The following STOX2 variants were observed in gnomAD, a reference collection of about 807,000 sequenced individuals.
STOX2 encodes storkhead box 2, also known as storkhead-box protein 2.
Under a neutral mutation model 60.9 loss-of-function variants are expected in STOX2, and 28 were observed. The ratio of observed to expected loss-of-function variants is 0.46; its 90% CI spans 0.34 to 0.63. STOX2 has a LOEUF of 0.63. Among genes scored for constraint, STOX2 ranks in the 30% least tolerant of loss-of-function variants. The pLI, the probability that STOX2 is intolerant of heterozygous loss-of-function variation, is 0.01. For missense variants in STOX2, 1,024 were observed against 1,187.7 expected, an observed-to-expected ratio of 0.86 and a Z score of 2.03; for synonymous variants, 472 against 463.9, an observed-to-expected ratio of 1.02 and a Z score of -0.22.
intron 1 of STOX2, among the ~76,000 whole-genome samples, chr4:183,992,760 C>T (rs1733165979): frequency 6.6e-6 from 1 of 152,192 alleles, no homozygotes. Context: ...TGTTGGAAAA[C>T]ATCTTGTAAG....
chr4:183,968,760 G>A lies in STOX2; in HGVS notation c.167-32565G>A, dbSNP rs1743654367. Among the ~76,000 whole-genome samples, 4 of 151,854 alleles carry A rather than the reference G, an allele frequency of 2.6e-5. No homozygotes were observed. In the South Asian group the frequency reaches 8.3e-4, roughly 32 times the overall value. On this transcript the variant is annotated intron_variant, in intron 1 of 3. Transcript: ENST00000308497. ...GAGTAGGTTGGGTTGCGGCAGGGGG[G>A]CGGGGGGTGTTGGGTGGCAGGGGTT...
chr4:183,833,981 C>CA (rs70959149), intron 1 of STOX2, among the ~76,000 whole-genome samples: 34,465 of 79,556 alleles, frequency 0.43, 6,561 homozygotes, highest in African/African-American at 0.46. Context: ...GACTCCGTCT[C>CA]AAAAAAAAAA....
rs1049585548 is a variant in STOX2 at position 183,825,612 on chromosome 4, G to A, written c.364+27557G>A. Among the ~76,000 whole-genome samples the A allele has an allele frequency of 1.3e-5, 2 of 152,120 alleles. No individual in the cohort carries two copies. The highest frequency in any genetic ancestry group is 2.4e-5 in the African/African-American group (1 of 41,406). On this transcript the variant is annotated intron_variant, in intron 1 of 2. Coordinates refer to the STOX2 transcript ENST00000513034. This position sits in a 1 kb window ranked among gnomAD's most constrained non-coding sequence, Gnocchi z 4.1. ...TGCAGCGCCCGACCCCTCCCTGCCC[G>A]TCCTCTGTGTCCCAGGACTCGCGGT... is the stretch of plus-strand genomic sequence containing the variant.
chr4:183,815,736 G>C (rs1560828256), intron 1 of STOX2, among the ~76,000 whole-genome samples: 1 of 152,184 alleles, frequency 6.6e-6, no homozygotes, highest in East Asian at 1.9e-4. Context: ...CCTCAGCATG[G>C]GTAGGTAAAC....
chr4:183,820,176 C>T (rs552235913), intron 1 of STOX2, among the ~76,000 whole-genome samples: 2 of 152,272 alleles, frequency 1.3e-5, no homozygotes, highest in African/African-American at 4.8e-5. Context: ...CCTCCCGCCT[C>T]GGCCTCCCAA....
At chr4:183,986,459 ACCC>A (rs1732846698) in intron 1 of STOX2, among the ~76,000 whole-genome samples, 1 of 152,138 alleles carries the variant, frequency 6.6e-6, no homozygotes, top group South Asian at 2.1e-4. Flanking sequence ...CAAAGGGGGG[ACCC>A]CAGGAGGGCA....
chr4:183,830,169 C>G (rs574823887), intron 1 of STOX2, among the ~76,000 whole-genome samples: 9 of 152,164 alleles, frequency 5.9e-5, no homozygotes, highest in African/African-American at 1.4e-4. Flanking sequence ...CACATCCCCC[C>G]CAACAAGGTA....
chr4:183,850,334 G>T (rs576400602), intron 1 of STOX2, among the ~76,000 whole-genome samples: 1 of 152,028 alleles, frequency 6.6e-6, no homozygotes, highest in African/African-American at 2.4e-5. Flanking sequence ...AAAAAATTTT[G>T]GAGAATGCCA....
At chr4:183,953,128 G>A (rs1743140975) in intron 1 of STOX2, among the ~76,000 whole-genome samples, 1 of 151,728 alleles carries the variant, frequency 6.6e-6, no homozygotes, top group African/African-American at 2.4e-5. Flanking sequence ...CGTGGCACAT[G>A]TATACCTATG....
At chr4:183,810,514 T>C (rs1739010262) in intron 1 of STOX2, among the ~76,000 whole-genome samples, 1 of 152,128 alleles carries the variant, frequency 6.6e-6, no homozygotes, top group South Asian at 2.1e-4. Context: ...GCTGGAAAAT[T>C]ACTACCAAGA....
At chr4:183,826,976 T>A (rs545065069) in intron 1 of STOX2, among the ~76,000 whole-genome samples, 1 of 152,294 alleles carries the variant, frequency 6.6e-6, no homozygotes, top group African/African-American at 2.4e-5. Context: ...GCATTACATA[T>A]AACATGACCT....
rs943086177 is a variant in STOX2 at position 184,019,362 on chromosome 4, G to A, written c.*2078G>A. 1.3e-5 allele frequency: 2 copies of A among 152,098 alleles called. No homozygotes were observed. The highest frequency in any genetic ancestry group is 2.9e-5 in the Non-Finnish European group (2 of 68,028). 9.4% of individuals were successfully genotyped at this position (152,098 alleles called of 1,614,324 possible). A position where few individuals can be genotyped will look rare whatever the true frequency, so the allele number is the denominator to read the frequency against. On this transcript the variant is annotated 3_prime_UTR_variant, in exon 4 of 4. Coordinates refer to ENST00000308497, the MANE Select transcript of STOX2 (RefSeq NM_020225.3). ...ATAGACTACATAGTTGGTTCCCTTG[G>A]GGAGTTATATATCATACAGTTACTA...
intron 1 of STOX2, among the ~76,000 whole-genome samples, chr4:183,815,137 T>G (rs1238240902): frequency 6.6e-6 from 1 of 152,056 alleles, no homozygotes; most frequent in African/African-American, 2.4e-5. Flanking sequence ...GGACTGTAGG[T>G]GTCCACCACC....
At position 184,017,116 on chromosome 4, in the gene STOX2, A is replaced by C. The variant is rs764594275; in HGVS notation, c.2613A>C (p.Thr871=). The change falls in exon 4 of 4, where the codon ACA becomes ACC. Residue 871 remains threonine (T), a synonymous_variant. Coordinates refer to ENST00000308497, the MANE Select transcript of STOX2 (RefSeq NM_020225.3). ...CTCGGGAGAGCCTGGCTTCCAACAC[A>C]TCAAGCATTGTTGAAAGTAACCGTC... ...PRTRESLASN[T]SSIVESNRRQ... 5 of 1,613,494 alleles carry C rather than the reference A, an allele frequency of 3.1e-6. No homozygotes were observed. In the South Asian group the frequency reaches 5.5e-5, roughly 18 times the overall value.
At chr4:183,950,698 C>G (rs1743043787) in intron 1 of STOX2, among the ~76,000 whole-genome samples, 1 of 152,122 alleles carries the variant, frequency 6.6e-6, no homozygotes, top group African/African-American at 2.4e-5. Flanking sequence ...ACAGAACTCA[C>G]AGCCTGCTGG....
intron 1 of STOX2, among the ~76,000 whole-genome samples, chr4:183,909,920 A>G (rs1741731968): frequency 6.6e-6 from 1 of 152,244 alleles, no homozygotes; most frequent in East Asian, 1.9e-4. Flanking sequence ...GCGGGCACCT[A>G]TAAACTAGCG....
intron 1 of STOX2, among the ~76,000 whole-genome samples, chr4:183,900,151 G>C (rs796801329): frequency 4.6e-5 from 7 of 152,272 alleles, no homozygotes; most frequent in African/African-American, 1.7e-4. Flanking sequence ...CAGAAAAAAA[G>C]ATTTCTTTCA....
At position 183,860,442 on chromosome 4, in the gene STOX2, CA is replaced by C. The variant is rs35753992; in HGVS notation, c.364+62403del. Among the ~76,000 whole-genome samples, 434 of 121,528 alleles carry C rather than the reference CA, an allele frequency of 3.6e-3. 2 individuals carry two copies. The highest frequency in any genetic ancestry group is 0.011 in the African/African-American group (384 of 33,968). The allele number at this position is 121,528 out of a possible 152,430, so 79.7% of individuals were successfully genotyped here. ...AACAAAACAAACAAAAAACAAAAAACAAAAAAAAAAAAAAAAGAAGAAAAAG... is the reference window on the plus strand; with the variant it reads ...AACAAAACAAACAAAAAACAAAAAACAAAAAAAAAAAAAAAGAAGAAAAAG... On this transcript the variant is annotated intron_variant, in intron 1 of 2. Transcript: ENST00000513034.
intron 1 of STOX2, among the ~76,000 whole-genome samples, chr4:183,976,192 G>T (rs1012872459): frequency 3.3e-5 from 5 of 152,268 alleles, no homozygotes; most frequent in Non-Finnish European, 7.4e-5. Context: ...CATGCCTGTA[G>T]TCCCAGCTAC....
Sources: allele counts gnomAD v4.1 joint callset (sites outside exome capture counted in the v4.1 genomes callset), GRCh38; gene constraint gnomAD v4.1.1; non-coding constraint Gnocchi (gnomAD v3.1); transcripts MANE v1.5; gene names NCBI Gene and HGNC (gene_info 2026-07-23, HGNC 2026-07-21).